SGCZ: variants seen among roughly 807,000 people sequenced by gnomAD.
SGCZ encodes sarcoglycan zeta, also known as zeta-sarcoglycan.
SGCZ carries 40 observed loss-of-function variants against 41.3 expected under a neutral mutation model. The observed-to-expected ratio is 0.97, with a 90% confidence interval of 0.75 to 1.26. The LOEUF (loss-of-function observed/expected upper bound fraction) is 1.26. SGCZ is among the 50% of genes most tolerant of loss of function. SGCZ has a pLI of 0.00. For missense variants in SGCZ, 552 were observed against 369.8 expected, an observed-to-expected ratio of 1.49 and a Z score of -4.04; for synonymous variants, 206 against 137.5, an observed-to-expected ratio of 1.50 and a Z score of -3.49.
chr8:14,396,725 G>A (rs1034878249), intron 2 of SGCZ, among the ~76,000 whole-genome samples: 4 of 151,762 alleles, frequency 2.6e-5, no homozygotes, highest in Admixed American at 6.6e-5. Context: ...GGTCTACTGA[G>A]GGCTTATTTT....
chr8:14,496,549 T>C (rs1801994044), intron 2 of SGCZ, among the ~76,000 whole-genome samples: 1 of 152,198 alleles, frequency 6.6e-6, no homozygotes, highest in African/African-American at 2.4e-5. Context: ...AATTTAATTT[T>C]TTCCCTACAA....
chr8:14,264,532 G>C (rs1433168619), intron 3 of SGCZ, among the ~76,000 whole-genome samples: 1 of 152,124 alleles, frequency 6.6e-6, no homozygotes, highest in South Asian at 2.1e-4. Flanking sequence ...TGCTGAACAT[G>C]GGGCAACACA....
intron 1 of SGCZ, among the ~76,000 whole-genome samples, chr8:14,982,055 T>G (rs1445071506): frequency 4.0e-5 from 6 of 151,076 alleles, no homozygotes; most frequent in Admixed American, 4.0e-4. Flanking sequence ...GAGGCTGAGG[T>G]GGGAGGATCG....
chr8:14,224,025 C>G (rs1307464773), intron 4 of SGCZ, among the ~76,000 whole-genome samples: 1 of 152,160 alleles, frequency 6.6e-6, no homozygotes, highest in Non-Finnish European at 1.5e-5. Context: ...TGGACACCCT[C>G]AACTTGTACC....
intron 1 of SGCZ, among the ~76,000 whole-genome samples, chr8:15,127,544 T>A (rs1336577350): frequency 1.3e-5 from 2 of 152,184 alleles, no homozygotes; most frequent in African/African-American, 4.8e-5. Context: ...ACACATAAAA[T>A]TTTTACAAAT....
chr8:14,325,652 G>T (rs1368538524), intron 2 of SGCZ, among the ~76,000 whole-genome samples: 3 of 138,064 alleles, frequency 2.2e-5, no homozygotes, highest in East Asian at 2.1e-4. Flanking sequence ...TATAATCAAT[G>T]ATATATAATC....
intron 1 of SGCZ, among the ~76,000 whole-genome samples, chr8:15,187,124 C>G (rs1413114494): frequency 2.0e-5 from 3 of 152,080 alleles, no homozygotes; most frequent in Non-Finnish European, 2.9e-5. Context: ...GCTCTACTAG[C>G]TGATTCTTGA....
intron 2 of SGCZ, among the ~76,000 whole-genome samples, chr8:14,418,967 T>A (rs989400483): frequency 6.6e-6 from 1 of 151,984 alleles, no homozygotes; most frequent in African/African-American, 2.4e-5. Context: ...ATCTTCATGT[T>A]AACTATCTAC....
chr8:14,354,068 T>G (rs1803201840), intron 2 of SGCZ, among the ~76,000 whole-genome samples: 1 of 152,080 alleles, frequency 6.6e-6, no homozygotes. Context: ...TAGACATCAC[T>G]ATTCCACTAA....
chr8:15,112,542 T>C (rs1301917942), intron 1 of SGCZ, among the ~76,000 whole-genome samples: 2 of 152,224 alleles, frequency 1.3e-5, no homozygotes, highest in Admixed American at 6.5e-5. Flanking sequence ...CTAGGAATGC[T>C]TGACAAAAAT....
chr8:14,549,913 TAAGTTGGTAAGGTCAACAAAAGAA>T (rs1368002976), intron 2 of SGCZ, among the ~76,000 whole-genome samples: 1 of 152,034 alleles, frequency 6.6e-6, no homozygotes, highest in African/African-American at 2.4e-5. Context: ...TGTTAAGAGT[TAAGTTGGTAAGGTCAACAAAAGAA>T]ACTCCTACAG....
Position 14,345,391 on chromosome 8 carries a change from G to A in SGCZ, c.235-21187C>T, listed in dbSNP as rs542372667. Among the ~76,000 whole-genome samples, 105 of 152,208 alleles carry A rather than the reference G, an allele frequency of 6.9e-4. 1 individual carries two copies. Among genetic ancestry groups the A allele is most frequent in the South Asian group, 3.9e-3 (19 of 4,832 alleles). On this transcript the variant is annotated intron_variant, in intron 2 of 7. Coordinates refer to ENST00000382080, the MANE Select transcript of SGCZ (RefSeq NM_139167.4). ...ATGCTAAATTCTGGGATATATGTATGTCCTCTGACCTAGAATTCAAGTCCT... is the reference window on the plus strand; with the variant it reads ...ATGCTAAATTCTGGGATATATGTATATCCTCTGACCTAGAATTCAAGTCCT...
Position 15,111,097 on chromosome 8 carries a change from G to A in SGCZ, c.39+126488C>T, listed in dbSNP as rs7842912. 7.3e-3 allele frequency among the ~76,000 whole-genome samples: 1,115 copies of A among 152,312 alleles called. 7 individuals are homozygous for A. Among genetic ancestry groups the A allele is most frequent in the African/African-American group, 0.025 (1,019 of 41,566 alleles). On this transcript the variant is annotated intron_variant, in intron 1 of 7. Transcript: ENST00000382080. ...GGCCAATTCACGCTTATTTCATAAA[G>A]CTGGATCAGAAGGCAAACACCAGGG...
chr8:14,301,407 T>A (rs561090402), intron 3 of SGCZ, among the ~76,000 whole-genome samples: 1 of 152,136 alleles, frequency 6.6e-6, no homozygotes, highest in East Asian at 1.9e-4. Flanking sequence ...AAGCCTAACA[T>A]CTTTACTGGA....
chr8:14,409,154 A>C (rs1421990693), intron 2 of SGCZ, among the ~76,000 whole-genome samples: 1 of 152,106 alleles, frequency 6.6e-6, no homozygotes, highest in Non-Finnish European at 1.5e-5. Context: ...GGTGGCAAAA[A>C]TCAATTAGTC....
chr8:14,444,013 A>G (rs966085527), intron 2 of SGCZ, among the ~76,000 whole-genome samples: 4 of 152,198 alleles, frequency 2.6e-5, no homozygotes, highest in Admixed American at 6.5e-5. Context: ...ATATGAACAG[A>G]CGCTTCTCAA....
intron 1 of SGCZ, among the ~76,000 whole-genome samples, chr8:14,830,356 A>G (rs1334356610): frequency 6.6e-6 from 1 of 152,132 alleles, no homozygotes; most frequent in African/African-American, 2.4e-5. Context: ...ACTCTGTATG[A>G]CATCAATTTG....
At chr8:14,747,143 T>A (rs1054374878) in intron 1 of SGCZ, among the ~76,000 whole-genome samples, 1 of 152,206 alleles carries the variant, frequency 6.6e-6, no homozygotes, top group Non-Finnish European at 1.5e-5. Context: ...TCTGTTCAGC[T>A]GAAGATACTC....
intron 1 of SGCZ, among the ~76,000 whole-genome samples, chr8:15,044,176 T>TATTGA (rs1804214828): frequency 6.6e-6 from 1 of 152,172 alleles, no homozygotes; most frequent in Admixed American, 6.6e-5. Flanking sequence ...TCCTATGCTA[T>TATTGA]ATTGAATAAA....
Sources: gnomAD v4.1 joint callset for allele counts (sites outside exome capture counted in the v4.1 genomes callset) on GRCh38, gnomAD v4.1.1 for gene constraint, MANE v1.5 for transcripts, NCBI Gene and HGNC (gene_info 2026-07-23, HGNC 2026-07-21) for gene names.